The following REPS2 variants were observed in gnomAD, a reference collection of about 807,000 sequenced individuals.
REPS2 encodes RALBP1 associated Eps domain containing 2, also known as ralBP1-associated Eps domain-containing protein 2.
In REPS2, 23 loss-of-function variants were observed where a neutral mutation model predicts 53.6. The ratio of observed to expected loss-of-function variants is 0.43; its 90% CI spans 0.31 to 0.61. The LOEUF is 0.61. Ranked by LOEUF, REPS2 falls within the 20% of genes least tolerant of loss-of-function variation. The pLI, the probability that REPS2 is intolerant of heterozygous loss-of-function variation, is 0.11. For synonymous variants in REPS2, 238 were observed against 218.6 expected (o/e 1.09, Z -0.78); for missense variants, 446 against 534.9 (o/e 0.83, Z 1.64).
intron 1 of REPS2, among the ~76,000 whole-genome samples, chrX:16,990,764 A>G (rs1292289094): frequency 9.1e-6 from 1 of 110,414 alleles, no homozygotes; most frequent in African/African-American, 3.3e-5. Context: ...AGATGTTACC[A>G]TTGGGAGGAA....
the REPS2 span, among the ~76,000 whole-genome samples, chrX:17,191,328 T>C: frequency 1.8e-5 from 2 of 112,122 alleles, no homozygotes; most frequent in African/African-American, 6.5e-5. Flanking sequence ...TAAACAGGTA[T>C]ATTAAAAGAA....
chrX:16,979,716 A>G (rs1230834949), intron 1 of REPS2, among the ~76,000 whole-genome samples: 1 of 111,996 alleles, frequency 8.9e-6, no homozygotes, highest in Non-Finnish European at 1.9e-5. Flanking sequence ...GTTGTTTATG[A>G]GGAAAACATC....
At chrX:17,066,720 A>C (rs749115658) in intron 9 of REPS2, among the ~76,000 whole-genome samples, 1 of 112,188 alleles carries the variant, frequency 8.9e-6, no homozygotes, top group East Asian at 2.8e-4. Flanking sequence ...AAAAATACAA[A>C]AAATTAGCCG....
At chrX:17,108,919 T>TC (rs1376913128) in intron 14 of REPS2, among the ~76,000 whole-genome samples, 2 of 95,288 alleles carry the variant, frequency 2.1e-5, no homozygotes, top group East Asian at 6.2e-4. Context: ...ACAACAGAAC[T>TC]TTTTTTTTTT....
chrX:17,085,714 TG>T (rs2062524469), intron 13 of REPS2, among the ~76,000 whole-genome samples: 1 of 111,771 alleles, frequency 8.9e-6, no homozygotes, highest in African/African-American at 3.2e-5. Flanking sequence ...CTGGCTGCTC[TG>T]TTAAAAACCG....
At chrX:17,002,751 C>G (rs1473908171) in intron 1 of REPS2, among the ~76,000 whole-genome samples, 1 of 112,058 alleles carries the variant, frequency 8.9e-6, no homozygotes, top group East Asian at 2.8e-4. Flanking sequence ...TTCTGACTGG[C>G]TGGAGCATCA....
intron 1 of REPS2, among the ~76,000 whole-genome samples, chrX:16,977,392 C>T (rs760568402): frequency 9.0e-6 from 1 of 110,888 alleles, no homozygotes; most frequent in South Asian, 3.9e-4. Context: ...GGCTACCTTA[C>T]TGTTACTTCT....
chrX:17,149,394 C>T lies in REPS2; in HGVS notation c.*1913C>T, dbSNP rs898128257. ...AATCTCGGCTCACTGCAACCTCCAC[C>T]TCCTGGGTTCAAGCAATTCTTGTGC... On this transcript the variant is annotated 3_prime_UTR_variant, in exon 18 of 18. Transcript: ENST00000357277. 17 of 120,685 alleles carry T rather than the reference C, an allele frequency of 1.4e-4. 1 individual carries two copies. Among genetic ancestry groups the T allele is most frequent in the Non-Finnish European group, 3.4e-5 (2 of 59,044 alleles). The allele number at this position is 120,685 out of a possible 1,213,427, so 9.9% of individuals were successfully genotyped here.
chrX:16,947,857 G>C (rs1378243222), intron 1 of REPS2, among the ~76,000 whole-genome samples: 2 of 111,376 alleles, frequency 1.8e-5, no homozygotes, highest in Non-Finnish European at 3.8e-5. Context: ...AGAATTGAAA[G>C]GTAAGGGATG....
At chrX:17,163,555 C>G in the REPS2 span, among the ~76,000 whole-genome samples, 3 of 111,684 alleles carry the variant, frequency 2.7e-5, no homozygotes, top group Admixed American at 9.5e-5. Flanking sequence ...TGTTGAAAAT[C>G]AAAGGTAAAG....
intron 13 of REPS2, among the ~76,000 whole-genome samples, chrX:17,091,997 GT>G (rs2062621589): frequency 9.0e-6 from 1 of 111,660 alleles, no homozygotes; most frequent in East Asian, 2.8e-4. Flanking sequence ...TTCCTTGAGT[GT>G]TTTTCCCCCC....
At chrX:17,003,269 T>C (rs1311163993) in intron 1 of REPS2, among the ~76,000 whole-genome samples, 2 of 111,895 alleles carry the variant, frequency 1.8e-5, no homozygotes, top group African/African-American at 6.5e-5. Flanking sequence ...TGGAATTGAC[T>C]ACAGTTTCAA....
chrX:16,960,447 G>A lies in REPS2; in HGVS notation c.273+13313G>A, dbSNP rs1039764378. On this transcript the variant is annotated intron_variant, in intron 1 of 17. Transcript: ENST00000357277. ...ATTTGACAAAGTTCAACAGCCTTTC[G>A]TGATAAACATTTTCAACAAAATAAG... Among the ~76,000 whole-genome samples the A allele has an allele frequency of 2.0e-4, 22 of 112,276 alleles. No homozygotes were observed. The Admixed American group carries it at 2.1e-3, about 11-fold the overall frequency.
At chrX:17,157,127 A>G (rs2063620129), downstream of REPS2, among the ~76,000 whole-genome samples, 1 of 111,914 alleles carries the variant, frequency 8.9e-6, no homozygotes, top group Admixed American at 9.5e-5. Context: ...CAGAACCACC[A>G]CATTGCACAG....
chrX:17,022,326 G>A (rs1299662589), intron 3 of REPS2, 55 bp downstream of exon 3: 16 of 1,069,760 alleles, frequency 1.5e-5, no homozygotes, highest in Non-Finnish European at 2.0e-5. Context: ...ACCGCATGTA[G>A]CAGGGCCTCG....
chrX:17,160,077 A>G, the REPS2 span, among the ~76,000 whole-genome samples: 1 of 112,867 alleles, frequency 8.9e-6, no homozygotes, highest in Non-Finnish European at 1.9e-5. Flanking sequence ...GGTGGCAGAG[A>G]GCTTACCAGA....
chrX:16,958,285 C>T (rs1215491427), intron 1 of REPS2, among the ~76,000 whole-genome samples: 1 of 111,198 alleles, frequency 9.0e-6, no homozygotes, highest in Non-Finnish European at 1.9e-5. Flanking sequence ...GGGCATGTGT[C>T]TGAGTAAAGG....
At chrX:17,189,523 G>C in the REPS2 span, among the ~76,000 whole-genome samples, 1 of 111,163 alleles carries the variant, frequency 9.0e-6, no homozygotes, top group Admixed American at 9.5e-5. Flanking sequence ...CTGAGCTCAG[G>C]CAATCCACCC....
intron 1 of REPS2, among the ~76,000 whole-genome samples, chrX:16,964,780 C>A (rs777289360): frequency 2.9e-5 from 2 of 68,334 alleles, no homozygotes; most frequent in Non-Finnish European, 2.8e-5. Flanking sequence ...GCTGGCCGGG[C>A]GGGGGGCTGA....
Sources: gnomAD v4.1 joint callset for allele counts (sites outside exome capture counted in the v4.1 genomes callset) on GRCh38, gnomAD v4.1.1 for gene constraint, MANE v1.5 for transcripts, NCBI Gene and HGNC (gene_info 2026-07-23, HGNC 2026-07-21) for gene names.